GRIN2B: variants seen among roughly 807,000 people sequenced by gnomAD.
The protein encoded by GRIN2B is glutamate ionotropic receptor NMDA type subunit 2B.
In GRIN2B, 5 loss-of-function variants were observed where a neutral mutation model predicts 114.5. That is an observed-to-expected ratio of 0.04 (90% CI 0.02 to 0.09). GRIN2B has a LOEUF of 0.09. Ranked by LOEUF, GRIN2B falls within the 10% of genes least tolerant of loss-of-function variation. The pLI, the probability that GRIN2B is intolerant of heterozygous loss-of-function variation, is 1.00. For missense variants in GRIN2B, 1,108 were observed against 1,943.5 expected (o/e 0.57, Z 8.08); for synonymous variants, 787 against 745.1 (o/e 1.06, Z -0.92).
In GRIN2B at chr12:13,564,862, A is replaced by AG. The variant is rs138212867; in HGVS notation, c.2599-224dup. Among the ~76,000 whole-genome samples the AG allele has an allele frequency of 0.068, 10,340 of 151,892 alleles. 479 individuals carry two copies. Among genetic ancestry groups the AG allele is most frequent in the East Asian group, 0.2 (1,050 of 5,162 alleles). On this transcript the variant is annotated intron_variant, in intron 13 of 13. Coordinates refer to ENST00000609686, the MANE Select transcript of GRIN2B (RefSeq NM_000834.5). This position sits in a 1 kb window ranked among gnomAD's most constrained non-coding sequence, Gnocchi z 4.8. ...CTGAGGTCAGTGACCTGGCCATCAG[A>AG]GGGGGGGGCATGGCCCCACCCAGTA... is the stretch of plus-strand genomic sequence containing the variant.
At chr12:13,583,868 CTG>C (rs1004386750) in intron 10 of GRIN2B, among the ~76,000 whole-genome samples, 2 of 152,088 alleles carry the variant, frequency 1.3e-5, no homozygotes, top group African/African-American at 4.8e-5. Flanking sequence ...AGGAAGGACA[CTG>C]TGAACCCCAC....
At chr12:13,637,606 T>A (rs1207464899) in intron 5 of GRIN2B, among the ~76,000 whole-genome samples, 1 of 152,094 alleles carries the variant, frequency 6.6e-6, no homozygotes, top group African/African-American at 2.4e-5. Flanking sequence ...TAGTCAGAAT[T>A]CTCTCAAAAT....
chr12:13,664,113 G>C (rs753702977), intron 5 of GRIN2B, among the ~76,000 whole-genome samples: 12 of 152,122 alleles, frequency 7.9e-5, no homozygotes, highest in Non-Finnish European at 1.2e-4. Context: ...GGTTTCTCTT[G>C]GTTTTTGAAC....
In GRIN2B at chr12:13,548,240, T is replaced by C. The variant is rs1948370695; in HGVS notation, c.*14543A>G. ...CTAAGCACCCATGCCCCCTAAGGGA[T>C]ACTTGAAATAGGAAGATATCTTTAT... On this transcript the variant is annotated 3_prime_UTR_variant, in exon 14 of 14. Transcript: ENST00000609686. 1 of 151,890 alleles carries C rather than the reference T, an allele frequency of 6.6e-6. No homozygotes were observed. Among genetic ancestry groups the C allele is most frequent in the African/African-American group, 2.4e-5 (1 of 41,372 alleles). 9.4% of individuals were successfully genotyped at this position (151,890 alleles called of 1,614,324 possible). A position where few individuals can be genotyped will look rare whatever the true frequency, so the allele number is the denominator to read the frequency against.
chr12:13,946,671 G>A (rs1267432945), intron 2 of GRIN2B, among the ~76,000 whole-genome samples: 1 of 151,892 alleles, frequency 6.6e-6, no homozygotes, highest in Non-Finnish European at 1.5e-5. Context: ...AACATTTGGT[G>A]AAAATAAAAT....
chr12:13,757,240 T>C (rs1663683085), intron 3 of GRIN2B, among the ~76,000 whole-genome samples: 1 of 152,230 alleles, frequency 6.6e-6, no homozygotes, highest in South Asian at 2.1e-4. Context: ...TGTTTCCTGG[T>C]ATAATGAGTA....
At chr12:13,766,067 C>T (rs898245901) in intron 3 of GRIN2B, among the ~76,000 whole-genome samples, 1 of 152,156 alleles carries the variant, frequency 6.6e-6, no homozygotes, top group Non-Finnish European at 1.5e-5. Context: ...GTGATGGACT[C>T]GGTACACATT....
chr12:13,737,988 G>A (rs1371750957), intron 4 of GRIN2B, among the ~76,000 whole-genome samples: 1 of 152,136 alleles, frequency 6.6e-6, no homozygotes, highest in Non-Finnish European at 1.5e-5. Flanking sequence ...TGCCAAGATT[G>A]GGCTCGGTCA....
intron 4 of GRIN2B, among the ~76,000 whole-genome samples, chr12:13,725,395 C>T (rs1015829713): frequency 3.3e-5 from 5 of 152,052 alleles, no homozygotes; most frequent in African/African-American, 1.2e-4. Context: ...TGAGTTCACA[C>T]ATTTTATTTT....
intron 2 of GRIN2B, among the ~76,000 whole-genome samples, chr12:13,882,319 T>A (rs1866083951): frequency 6.6e-6 from 1 of 152,180 alleles, no homozygotes; most frequent in Non-Finnish European, 1.5e-5. Flanking sequence ...TCGGAAGCTC[T>A]CTGGAATTTG....
chr12:13,562,945 G>C lies in GRIN2B; in HGVS notation c.4293C>G (p.Val1431=), dbSNP rs1948567946. The change falls in exon 14 of 14, where the codon GTC becomes GTG. Residue 1431 remains valine, a synonymous_variant. Transcript: ENST00000609686. ...CTGGCACGGCCCCATGAAGGGCCGA[G>C]ACCACCGGCTTGTTGGTGACAAGGG... ...FRALVTNKPV[V]SALHGAVPAR... The C allele has an allele frequency of 6.2e-7, 1 of 1,614,238 alleles. No homozygotes were observed. Among genetic ancestry groups the C allele is most frequent in the East Asian group, 2.2e-5 (1 of 44,886 alleles).
intron 10 of GRIN2B, among the ~76,000 whole-genome samples, chr12:13,582,716 G>A (rs1948869477): frequency 6.6e-6 from 1 of 152,000 alleles, no homozygotes; most frequent in Non-Finnish European, 1.5e-5. Flanking sequence ...ACGTGGAGCT[G>A]GGGTTCTATA....
At chr12:13,856,687 A>G (rs1361302022) in intron 3 of GRIN2B, among the ~76,000 whole-genome samples, 1 of 152,016 alleles carries the variant, frequency 6.6e-6, no homozygotes, top group African/African-American at 2.4e-5. Context: ...ATCCTTTATC[A>G]TCTGCACCTT....
rs537835160 is a variant in GRIN2B, at chr12:13,700,824, A to G, written c.1011-24965T>C. On this transcript the variant is annotated intron_variant, in intron 4 of 13. Transcript: ENST00000609686. ...ACAATAAGTTTGGAGGTGATTTGCTATGGAAAAATCCACAATGGAAACTGT... is the reference window on the plus strand; with the variant it reads ...ACAATAAGTTTGGAGGTGATTTGCTGTGGAAAAATCCACAATGGAAACTGT... Among the ~76,000 whole-genome samples, 3 of 152,358 alleles carry G rather than the reference A, an allele frequency of 2.0e-5. No homozygotes were observed. The East Asian group carries it at 5.8e-4, about 29-fold the overall frequency.
chr12:13,859,256 C>T (rs912349008), intron 3 of GRIN2B, among the ~76,000 whole-genome samples: 2 of 152,202 alleles, frequency 1.3e-5, no homozygotes. Flanking sequence ...TTCTTTTAGA[C>T]ACCATCACGT....
At chr12:13,648,849 T>C (rs1459612241) in intron 5 of GRIN2B, among the ~76,000 whole-genome samples, 3 of 152,064 alleles carry the variant, frequency 2.0e-5, no homozygotes, top group South Asian at 2.1e-4. Context: ...AGGAGCCTTA[T>C]TGTTACATCT....
intron 3 of GRIN2B, among the ~76,000 whole-genome samples, chr12:13,825,395 C>A (rs1426673177): frequency 6.7e-6 from 1 of 149,986 alleles, no homozygotes. Flanking sequence ...AATGTATATT[C>A]TCTCTCCTGT....
intron 2 of GRIN2B, among the ~76,000 whole-genome samples, chr12:13,972,531 C>T (rs1457813958): frequency 2.6e-5 from 4 of 152,124 alleles, no homozygotes; most frequent in Non-Finnish European, 5.9e-5. Flanking sequence ...GAGAGAACTC[C>T]GGACTCTGAT....
intron 3 of GRIN2B, among the ~76,000 whole-genome samples, chr12:13,832,584 CT>C (rs1865170419): frequency 6.6e-6 from 1 of 152,130 alleles, no homozygotes; most frequent in South Asian, 2.1e-4. Flanking sequence ...TAATTTTAAC[CT>C]GCCTTTTTCA....
Sources: allele counts gnomAD v4.1 joint callset (sites outside exome capture counted in the v4.1 genomes callset), GRCh38; gene constraint gnomAD v4.1.1; non-coding constraint Gnocchi (gnomAD v3.1); transcripts MANE v1.5; gene names NCBI Gene and HGNC (gene_info 2026-07-23, HGNC 2026-07-21).